Variants in STOX2 observed in about 807,000 individuals in gnomAD.
STOX2 encodes storkhead box 2.
A neutral mutation model predicts 60.9 loss-of-function variants in STOX2; 28 were observed. The ratio of observed to expected loss-of-function variants is 0.46; its 90% CI spans 0.34 to 0.63. The LOEUF (loss-of-function observed/expected upper bound fraction) is 0.63. Among genes scored for constraint, STOX2 ranks in the 30% least tolerant of loss-of-function variants. STOX2 has a pLI of 0.01. For missense variants in STOX2, 1,024 were observed against 1,187.7 expected, an observed-to-expected ratio of 0.86 and a Z score of 2.03; for synonymous variants, 472 against 463.9, an observed-to-expected ratio of 1.02 and a Z score of -0.22.
rs1734447916 is a variant in STOX2 at position 184,017,961 on chromosome 4, T to A, written c.*677T>A. The A allele has an allele frequency of 6.6e-6, 1 of 152,206 alleles. No homozygotes were observed. The highest frequency in any genetic ancestry group is 2.4e-5 in the African/African-American group (1 of 41,460). 9.4% of individuals were successfully genotyped at this position (152,206 alleles called of 1,614,324 possible). On this transcript the variant is annotated 3_prime_UTR_variant, in exon 4 of 4. Coordinates refer to ENST00000308497, the MANE Select transcript of STOX2 (RefSeq NM_020225.3). ...ACTGGGAGTGAATGTTTTCAGGGTT[T>A]TGTTTTGAAGTGTCACAGATGCTTG...
chr4:183,993,939 GT>G lies in STOX2; in HGVS notation c.167-7379del, dbSNP rs1185564348. Among the ~76,000 whole-genome samples, 7 of 152,234 alleles carry G rather than the reference GT, an allele frequency of 4.6e-5. No individual in the cohort carries two copies. In the East Asian group the frequency reaches 7.7e-4, roughly 17 times the overall value. ...GAGCGCATAGGAAAGAAGTATGTGG[GT>G]TTTTTTAGAACAGCTTTTTAAAAAA... On this transcript the variant is annotated intron_variant, in intron 1 of 3. Transcript: ENST00000308497.
chr4:183,926,745 T>C (rs1742252495), intron 1 of STOX2, among the ~76,000 whole-genome samples: 1 of 152,010 alleles, frequency 6.6e-6, no homozygotes, highest in Admixed American at 6.6e-5. Flanking sequence ...TGGCTCAGCC[T>C]CCCAAGTAGC....
intron 1 of STOX2, among the ~76,000 whole-genome samples, chr4:183,977,912 G>A (rs1732504579): frequency 6.6e-6 from 1 of 151,910 alleles, no homozygotes; most frequent in African/African-American, 2.4e-5. Flanking sequence ...AAAAATTTCT[G>A]TTCACATCCT....
chr4:183,973,318 A>G (rs979714468), intron 1 of STOX2, among the ~76,000 whole-genome samples: 4 of 152,210 alleles, frequency 2.6e-5, no homozygotes, highest in African/African-American at 7.2e-5. Flanking sequence ...TTGAAAGCAA[A>G]TAGGGAAAAA....
chr4:183,919,923 G>C (rs1742049637), intron 1 of STOX2, among the ~76,000 whole-genome samples: 1 of 151,934 alleles, frequency 6.6e-6, no homozygotes, highest in African/African-American at 2.4e-5. Flanking sequence ...TGTTTATTGA[G>C]CATGTACTTG....
At position 184,001,025 on chromosome 4, in the gene STOX2, G is replaced by A. The variant is rs1579529946; in HGVS notation, c.167-300G>A. On this transcript the variant is annotated intron_variant, in intron 1 of 3. Transcript: ENST00000308497. The surrounding 1 kb of genome is among the most constrained non-coding windows in gnomAD (Gnocchi z 4.2). ...AAATCAGCTCCAAGTTAATAAAAAC[G>A]GAAATAAAAGCCTGTTGTTGCAAGA... Among the ~76,000 whole-genome samples the A allele has an allele frequency of 2.0e-5, 3 of 152,204 alleles. No homozygotes were observed. The highest frequency in any genetic ancestry group is 2.1e-4 in the South Asian group (1 of 4,820).
Position 184,011,467 on chromosome 4 carries a change from C to A in STOX2, c.2585+44C>A, listed in dbSNP as rs1234814020. 3.1e-6 allele frequency: 5 copies of A among 1,589,010 alleles called. No individual in the cohort carries two copies. Among genetic ancestry groups the A allele is most frequent in the Non-Finnish European group, 4.3e-6 (5 of 1,166,272 alleles). ...GTGCACACACATGCGCCTAGCGGGG[C>A]CTGGGGCTTTATGCACGTAACTTGA... On this transcript the variant is annotated intron_variant, in intron 3 of 3. Coordinates refer to ENST00000308497, the MANE Select transcript of STOX2 (RefSeq NM_020225.3). The surrounding 1 kb of genome is among the most constrained non-coding windows in gnomAD (Gnocchi z 4.4).
upstream of STOX2, among the ~76,000 whole-genome samples, chr4:183,904,411 G>T (rs1741533820): frequency 6.6e-6 from 1 of 152,228 alleles, no homozygotes; most frequent in South Asian, 2.1e-4. Flanking sequence ...GTTCTTAGCA[G>T]TTCTCTTACA....
intron 1 of STOX2, among the ~76,000 whole-genome samples, chr4:183,851,516 A>G (rs377595351): frequency 0.088 from 1,415 of 16,004 alleles, no homozygotes; most frequent in East Asian, 0.17. Context: ...AAAGGATGAG[A>G]GAAACGATGA....
At chr4:183,986,336 A>C (rs1309111580) in intron 1 of STOX2, among the ~76,000 whole-genome samples, 1 of 152,214 alleles carries the variant, frequency 6.6e-6, no homozygotes, top group Admixed American at 6.5e-5. Context: ...ACACATTCTC[A>C]AGGGGGTCAC....
chr4:183,975,420 G>A (rs1732410492), intron 1 of STOX2, among the ~76,000 whole-genome samples: 1 of 152,066 alleles, frequency 6.6e-6, no homozygotes, highest in African/African-American at 2.4e-5. Context: ...AGTATATCAA[G>A]AGCTGATAAA....
At position 184,010,810 on chromosome 4, in the gene STOX2, C is replaced by T. The variant is rs759229155; in HGVS notation, c.1972C>T (p.Pro658Ser). The T allele has an allele frequency of 7.6e-6, 12 of 1,584,230 alleles. No individual in the cohort carries two copies. The highest frequency in any genetic ancestry group is 2.4e-5 in the South Asian group (2 of 84,988). The change falls in exon 3 of 4, where the codon CCA (proline) becomes TCA (serine). Residue 658 changes from proline (P) to serine (S), a missense_variant. This residue lies in a region of STOX2 where 922 missense variants were observed against 1,058.3 expected (regional missense o/e 0.87). Coordinates refer to ENST00000308497, the MANE Select transcript of STOX2 (RefSeq NM_020225.3). This position sits in a 1 kb window ranked among gnomAD's most constrained non-coding sequence, Gnocchi z 4.5. ...REPVGHKEES[P>S]KGPGGGPAAS... ...GCCTGTGGGGCACAAGGAGGAGTCA[C>T]CAAAAGGGCCGGGTGGGGGCCCCGC...
At chr4:183,862,662 A>G (rs1356777110) in intron 1 of STOX2, among the ~76,000 whole-genome samples, 2 of 152,224 alleles carry the variant, frequency 1.3e-5, no homozygotes, top group African/African-American at 2.4e-5. Context: ...AGAAGAAGCC[A>G]TGCGAGAGTC....
upstream of STOX2, among the ~76,000 whole-genome samples, chr4:183,900,670 T>C (rs2111073131): frequency 6.6e-6 from 1 of 152,340 alleles, no homozygotes; most frequent in Admixed American, 6.5e-5. Context: ...ATTTATTCTA[T>C]TTGTAAATTT....
chr4:183,855,476 C>T (rs921512628), intron 1 of STOX2, among the ~76,000 whole-genome samples: 2 of 152,082 alleles, frequency 1.3e-5, no homozygotes, highest in Non-Finnish European at 2.9e-5. Context: ...CATATCATTT[C>T]CACATGTTCA....
intron 1 of STOX2, among the ~76,000 whole-genome samples, chr4:183,798,473 C>A (rs1300951533): frequency 6.6e-6 from 1 of 151,808 alleles, no homozygotes; most frequent in Non-Finnish European, 1.5e-5. Context: ...GGGCTCGGGT[C>A]GCGCGGGGCT....
chr4:183,892,470 C>A (rs947760893), intron 1 of STOX2, among the ~76,000 whole-genome samples: 5 of 152,040 alleles, frequency 3.3e-5, no homozygotes, highest in African/African-American at 9.7e-5. Context: ...TTAGTAGAGA[C>A]GGGGTTTCAC....
intron 1 of STOX2, among the ~76,000 whole-genome samples, chr4:183,860,397 T>C (rs796790751): frequency 2.8e-5 from 4 of 142,016 alleles, no homozygotes; most frequent in African/African-American, 1.0e-4. Flanking sequence ...TATTCCATGC[T>C]GCCAGCTGGC....
chr4:183,875,126 C>T (rs1740799939), intron 1 of STOX2, among the ~76,000 whole-genome samples: 2 of 150,598 alleles, frequency 1.3e-5, no homozygotes, highest in East Asian at 3.9e-4. Flanking sequence ...CTTAGTGGCC[C>T]TGGGCTGCCT....
Sources: allele counts gnomAD v4.1 joint callset (sites outside exome capture counted in the v4.1 genomes callset), GRCh38; gene constraint gnomAD v4.1.1; regional missense constraint gnomAD v4.1.1; non-coding constraint Gnocchi (gnomAD v3.1); transcripts MANE v1.5; gene names NCBI Gene and HGNC (gene_info 2026-07-23, HGNC 2026-07-21).